The following C11orf65 variants were observed in gnomAD, a reference collection of about 807,000 sequenced individuals.
C11orf65 encodes the protein protein MFI.
A neutral mutation model predicts 35.3 loss-of-function variants in C11orf65; 38 were observed. The observed-to-expected ratio is 1.08, with a 90% CI of 0.83 to 1.41. The LOEUF is 1.41. Among genes scored for constraint, C11orf65 ranks in the 40% most tolerant of loss-of-function variants. C11orf65 has a pLI of 0.00. For synonymous variants in C11orf65, 105 were observed against 114.4 expected (o/e 0.92, Z 0.53); for missense variants, 370 against 367.1 (o/e 1.01, Z -0.06).
chr11:108,443,545 C>G (rs527491726), intron 2 of C11orf65, among the ~76,000 whole-genome samples: 7 of 152,168 alleles, frequency 4.6e-5, no homozygotes, highest in Non-Finnish European at 8.8e-5. Context: ...CACACGACAC[C>G]TATCCCAAAA....
chr11:108,331,445 G>A lies in C11orf65; in HGVS notation c.*105C>T, dbSNP rs1555123920. The A allele has an allele frequency of 1.9e-6, 3 of 1,612,566 alleles. No individual in the cohort carries two copies. Among genetic ancestry groups the A allele is most frequent in the Non-Finnish European group, 1.7e-6 (2 of 1,179,352 alleles). ...TTTGTGTCTTTTTTTTAATGGTAGA[G>A]AGACGGAATGAAGATTCCAACATAT... On this transcript the variant is annotated 3_prime_UTR_variant, in exon 4 of 4. Transcript: ENST00000524755.
downstream of C11orf65, chr11:108,329,406 G>T: frequency 1.5e-6 from 1 of 648,802 alleles, no homozygotes. Context: ...TTCGGTTTTT[G>T]TTTTTTGTTT....
chr11:108,465,997 AC>A (rs1280675889), intron 1 of C11orf65, among the ~76,000 whole-genome samples: 3 of 98,700 alleles, frequency 3.0e-5, no homozygotes, highest in African/African-American at 5.2e-5. Flanking sequence ...AAAAAAAAAA[AC>A]AACAACAACA....
intron 2 of C11orf65, among the ~76,000 whole-genome samples, chr11:108,447,696 T>C (rs1325240700): frequency 1.4e-4 from 22 of 151,824 alleles, no homozygotes; most frequent in Non-Finnish European, 2.8e-4. Context: ...AGATCCAAAA[T>C]TGACACCCTA....
At chr11:108,428,487 A>G (rs983107802) in intron 3 of C11orf65, among the ~76,000 whole-genome samples, 12 of 152,224 alleles carry the variant, frequency 7.9e-5, no homozygotes, top group African/African-American at 2.7e-4. Context: ...AGCCATAAAA[A>G]AGGATGTGTT....
At position 108,331,546 on chromosome 11, in the gene C11orf65, G is replaced by A. The variant is rs35203200; in HGVS notation, c.*4C>T. 137 of 1,611,924 alleles carry A rather than the reference G, an allele frequency of 8.5e-5. No homozygotes were observed. Among genetic ancestry groups the A allele is most frequent in the Non-Finnish European group, 9.6e-5 (113 of 1,179,224 alleles). On this transcript the variant is annotated 3_prime_UTR_variant, in exon 4 of 4. Coordinates refer to the C11orf65 transcript ENST00000524755. ...GATGGGAGGCCTAGGATTTCATGAA[G>A]TCCTCAATAATGTAAGTAAACCTGA...
intron 6 of C11orf65, among the ~76,000 whole-genome samples, chr11:108,401,171 T>A (rs188664073): frequency 6.6e-6 from 1 of 151,960 alleles, no homozygotes; most frequent in Admixed American, 6.6e-5. Flanking sequence ...AAGCTATTAC[T>A]TCATAGCTTG....
intron 3 of C11orf65, chr11:108,334,831 A>G (rs543353658): frequency 3.0e-6 from 3 of 1,006,734 alleles, no homozygotes; most frequent in Non-Finnish European, 4.4e-6. Flanking sequence ...CACCCGGCCT[A>G]AAGTTGTAGT....
chr11:108,362,508 A>G (rs1445021537), intron 2 of C11orf65, among the ~76,000 whole-genome samples: 2 of 149,788 alleles, frequency 1.3e-5, no homozygotes, highest in African/African-American at 4.9e-5. Context: ...ACGTATGTTT[A>G]TTGCGGCATT....
At chr11:108,332,226 G>A (rs1045666862) in intron 3 of C11orf65, among the ~76,000 whole-genome samples, 1 of 152,052 alleles carries the variant, frequency 6.6e-6, no homozygotes, top group African/African-American at 2.4e-5. Flanking sequence ...TCAGAAGTTC[G>A]AGACCATCCT....
chr11:108,345,980 A>G, intron 2 of C11orf65: 1 of 1,557,850 alleles, frequency 6.4e-7, no homozygotes, highest in Non-Finnish European at 8.8e-7. Flanking sequence ...TTGATTCAGC[A>G]CTTTTTCTAC....
chr11:108,421,473 T>G (rs1052513022), intron 3 of C11orf65, among the ~76,000 whole-genome samples: 1 of 152,104 alleles, frequency 6.6e-6, no homozygotes, highest in African/African-American at 2.4e-5. Context: ...CTGACCAACA[T>G]GGTGAAACCC....
chr11:108,430,739 T>G (rs1257496927), intron 3 of C11orf65, among the ~76,000 whole-genome samples: 2 of 151,834 alleles, frequency 1.3e-5, no homozygotes, highest in Admixed American at 1.3e-4. Flanking sequence ...CAGTTATTCA[T>G]GGGGCTGAAG....
intron 3 of C11orf65, chr11:108,333,836 C>A: frequency 7.1e-7 from 1 of 1,411,498 alleles, no homozygotes; most frequent in Non-Finnish European, 1.0e-6. Flanking sequence ...GCTTGACCTT[C>A]AATGCTGTTC....
intron 2 of C11orf65, among the ~76,000 whole-genome samples, chr11:108,357,379 C>A (rs2090118592): frequency 6.6e-6 from 1 of 152,252 alleles, no homozygotes; most frequent in Non-Finnish European, 1.5e-5. Context: ...GGGGCGCCCG[C>A]CATTGCCCAG....
chr11:108,429,854 T>C (rs756118851), intron 3 of C11orf65, among the ~76,000 whole-genome samples: 1 of 152,136 alleles, frequency 6.6e-6, no homozygotes, highest in Non-Finnish European at 1.5e-5. Flanking sequence ...CATGGGTGAA[T>C]CTTGAGGACA....
chr11:108,334,074 C>T, intron 3 of C11orf65: 2 of 845,798 alleles, frequency 2.4e-6, no homozygotes, highest in Non-Finnish European at 3.9e-6. Flanking sequence ...TAAATATTGG[C>T]AAATTTCATA....
chr11:108,392,034 G>A (rs1433371552), intron 7 of C11orf65, among the ~76,000 whole-genome samples: 1 of 151,348 alleles, frequency 6.6e-6, no homozygotes, highest in East Asian at 1.9e-4. Flanking sequence ...GATTACAGGC[G>A]TGAGCCACTA....
chr11:108,463,801 T>C lies in C11orf65; in HGVS notation c.-9-2233A>G, dbSNP rs141863294. ...TATTTTCCAAAATAAAAACTATTCA[T>C]GTGCATTATTCCAGTTAGGAAACTG... On this transcript the variant is annotated intron_variant, in intron 1 of 8. Transcript: ENST00000393084. Among the ~76,000 whole-genome samples the C allele has an allele frequency of 1.9e-3, 283 of 152,314 alleles. 1 individual carries two copies. The highest frequency in any genetic ancestry group is 3.2e-3 in the Non-Finnish European group (215 of 68,026).
Sources: gnomAD v4.1 joint callset for allele counts (sites outside exome capture counted in the v4.1 genomes callset) on GRCh38, gnomAD v4.1.1 for gene constraint, MANE v1.5 for transcripts, NCBI Gene and HGNC (gene_info 2026-07-23, HGNC 2026-07-21) for gene names.